Variants in CAPN10 observed in about 807,000 individuals in gnomAD.
CAPN10 encodes the protein calpain 10, also known as calpain-10.
In CAPN10, 71 loss-of-function variants were observed where a neutral mutation model predicts 78.4. The ratio of observed to expected loss-of-function variants is 0.91; its 90% CI spans 0.75 to 1.10. The LOEUF is 1.10. Among genes scored for constraint, CAPN10 ranks in the 50% least tolerant of loss-of-function variants. The probability of loss-of-function intolerance (pLI) is 0.00; values close to 1 mark genes in which losing one functional copy is unlikely to be tolerated. For missense variants in CAPN10, 849 were observed against 924.6 expected (o/e 0.92, Z 1.06); for synonymous variants, 437 against 407.2 (o/e 1.07, Z -0.88).
At chr2:240,591,766 T>C in intron 3 of CAPN10, 167 bp from the exon 4 acceptor site, 1 of 628,652 alleles carries the variant, frequency 1.6e-6, no homozygotes, top group South Asian at 2.0e-5. Context: ...CGTTTGAAGG[T>C]GAGGCTAAGC....
Position 240,589,373 on chromosome 2 carries a change from G to T in CAPN10, c.172G>T (p.Asp58Tyr). 6.2e-7 allele frequency: 1 copy of T among 1,614,172 alleles called. No homozygotes were observed. Among genetic ancestry groups the T allele is most frequent in the Non-Finnish European group, 8.5e-7 (1 of 1,180,030 alleles). ...TTGTGCCACACCCCGGCTGTTTCCA[G>T]ATGACCCACGGGAAGGGCAGGTGAA... is the stretch of plus-strand genomic sequence containing the variant. ...EICATPRLFP[D>Y]DPREGQVKQG... The change falls in exon 2 of 12, where the codon GAT becomes TAT. Residue 58 changes from aspartate to tyrosine, a missense_variant. Transcript: ENST00000391984.
chr2:240,594,917 G>C (rs2093126888), intron 6 of CAPN10, 107 bp from the exon 7 acceptor site: 2 of 1,277,292 alleles, frequency 1.6e-6, no homozygotes, highest in Non-Finnish European at 2.2e-6. Context: ...GGCTCTGTCT[G>C]TGGCCGTAGC....
chr2:240,594,114 C>G (rs1375074080), intron 5 of CAPN10, 67 bp downstream of exon 5: 2 of 1,465,944 alleles, frequency 1.4e-6, no homozygotes, highest in Admixed American at 2.1e-5. Context: ...GGCCTGTGTC[C>G]TGGTCACCTT....
rs1194748925 is a variant in CAPN10, at chr2:240,596,358, A to C, written c.1318A>C (p.Met440Leu). Residue 440 changes from methionine (M) to leucine (L), a missense_variant, in exon 8 of 12, where the codon ATG becomes CTG. Physicochemically the swap from Met to Leu is conservative, Grantham distance 15 (BLOSUM62 2). Coordinates refer to ENST00000391984, the MANE Select transcript of CAPN10 (RefSeq NM_023083.4). ...GGTCAATCTGCCTAGGGTCCTGTCC[A>C]TGCCCCCCGTGGCTGGCACCGCGTG... is the stretch of plus-strand genomic sequence containing the variant. ...RRVNLPRVLS[M>L]PPVAGTACHA... 1.2e-6 allele frequency: 2 copies of C among 1,612,310 alleles called. No individual in the cohort carries two copies. The highest frequency in any genetic ancestry group is 2.2e-5 in the East Asian group (1 of 44,864).
chr2:240,586,816 C>A lies in CAPN10; in HGVS notation c.-96C>A. On this transcript the variant is annotated 5_prime_UTR_variant, in exon 1 of 12. Transcript: ENST00000391984. ...AGGGCTGGGCCGGGCGGGGAACGGGCGGGGCGGGCCGGAGGCGGCGGCGGC... is the reference window on the plus strand; with the variant it reads ...AGGGCTGGGCCGGGCGGGGAACGGGAGGGGCGGGCCGGAGGCGGCGGCGGC... 1 of 1,201,838 alleles carries A rather than the reference C, an allele frequency of 8.3e-7. No homozygotes were observed. The highest frequency in any genetic ancestry group is 1.1e-6 in the Non-Finnish European group (1 of 941,060). 74.4% of individuals were successfully genotyped at this position (1,201,838 alleles called of 1,614,324 possible).
At chr2:240,592,779 T>C (rs144388047) in intron 4 of CAPN10, 204 of 233,328 alleles carry the variant, frequency 8.7e-4, no homozygotes, top group African/African-American at 4.5e-3. Flanking sequence ...ACACGCGCTG[T>C]CAAATGTTCG....
chr2:240,595,180 C>T lies in CAPN10; in HGVS notation c.1154C>T (p.Ser385Phe), dbSNP rs1318460703. 6.2e-7 allele frequency: 1 copy of T among 1,613,840 alleles called. No individual in the cohort carries two copies. The highest frequency in any genetic ancestry group is 1.7e-5 in the Admixed American group (1 of 60,026). ...SEVYIAVLQR[S>F]RLHAADWAGR... ...GTGTACATTGCCGTCCTGCAGAGAT[C>T]CAGGCTGCACGCGGCGGACTGGGCA... The change falls in exon 7 of 12, where the codon TCC becomes TTC. Residue 385 changes from serine (S) to phenylalanine (F), a missense_variant. Ser to Phe is a radical substitution (Grantham distance 155). Coordinates refer to ENST00000391984, the MANE Select transcript of CAPN10 (RefSeq NM_023083.4).
chr2:240,598,438 G>A, intron 11 of CAPN10, 41 bp downstream of exon 11: 1 of 1,608,684 alleles, frequency 6.2e-7, no homozygotes, highest in Non-Finnish European at 8.5e-7. Flanking sequence ...CCTGCCTGGG[G>A]CTGCCTGGTG....
At position 240,598,107 on chromosome 2, in the gene CAPN10, G is replaced by C; in HGVS notation, c.1943+20G>C. The stretch of plus-strand genomic sequence containing the variant: ...TGACAGGTGGGGCTCTGGGACTTGG[G>C]GGCGGCCAGCTGGAGGCTGGGGTGC... On this transcript the variant is annotated intron_variant, in intron 10 of 11. Transcript: ENST00000391984. 2 of 1,594,416 alleles carry C rather than the reference G, an allele frequency of 1.3e-6. No individual in the cohort carries two copies. Among genetic ancestry groups the C allele is most frequent in the Non-Finnish European group, 1.7e-6 (2 of 1,166,874 alleles).
intron 3 of CAPN10, 36 bp downstream of exon 3, chr2:240,591,047 GCAAGTGGGAGCTGCCA>G (rs1333119397): frequency 6.3e-7 from 1 of 1,589,676 alleles, no homozygotes; most frequent in Admixed American, 1.7e-5. Context: ...CTGGCCTGGG[GCAAGTGGGAGCTGCCA>G]CTACCATGGG....
At chr2:240,594,445 G>T (rs2093122842) in intron 5 of CAPN10, 98 bp from the exon 6 acceptor site, 6 of 1,273,046 alleles carry the variant, frequency 4.7e-6, no homozygotes, top group South Asian at 4.2e-5. Context: ...AGGAACTCAG[G>T]GCTCTCTGGG....
At position 240,598,854 on chromosome 2, in the gene CAPN10, GACGC is replaced by G; in HGVS notation, c.*176_*179del. Reference sequence around the variant, plus strand: ...TCCACGGGAAGCCTCCGTCAGGAGAGACGCAGCCCTGGGGGCCAGCTGGTGCTGC... The same window carrying G: ...TCCACGGGAAGCCTCCGTCAGGAGAGAGCCCTGGGGGCCAGCTGGTGCTGC... On this transcript the variant is annotated 3_prime_UTR_variant, in exon 12 of 12. Transcript: ENST00000391984. 1 of 640,662 alleles carries G rather than the reference GACGC, an allele frequency of 1.6e-6. No homozygotes were observed. The highest frequency in any genetic ancestry group is 2.8e-6 in the Non-Finnish European group (1 of 357,554). The allele number at this position is 640,662 out of a possible 1,614,324, so 39.7% of individuals were successfully genotyped here.
intron 4 of CAPN10, chr2:240,592,657 AG>A: frequency 2.8e-6 from 1 of 363,620 alleles, no homozygotes; most frequent in East Asian, 7.9e-5. Flanking sequence ...CAAAAAATGA[AG>A]GAAAAAAATC....
chr2:240,592,123 A>G lies in CAPN10; in HGVS notation c.661A>G (p.Ser221Gly). 1 of 1,576,526 alleles carries G rather than the reference A, an allele frequency of 6.3e-7. No individual in the cohort carries two copies. Among genetic ancestry groups the G allele is most frequent in the South Asian group, 1.2e-5 (1 of 86,302 alleles). The change falls in exon 4 of 12, where the codon AGC (serine) becomes GGC (glycine). Residue 221 changes from serine to glycine, a missense_variant. By Grantham distance (56) the Ser-to-Gly change is moderately conservative. Coordinates refer to ENST00000391984, the MANE Select transcript of CAPN10 (RefSeq NM_023083.4). ...LLHLKDQCLI[S>G]CCVLSPRAGA... ...CCACCTGAAGGACCAGTGTCTGATCAGCTGCTGCGTGCTCAGCCCCAGAGC... is the reference window on the plus strand; with the variant it reads ...CCACCTGAAGGACCAGTGTCTGATCGGCTGCTGCGTGCTCAGCCCCAGAGC...
chr2:240,597,094 C>T (rs2093141810), intron 9 of CAPN10, 152 bp downstream of exon 9: 3 of 961,584 alleles, frequency 3.1e-6, no homozygotes, highest in Admixed American at 2.3e-5. Context: ...GCACAGGGCC[C>T]TCTCCCATCT....
Position 240,596,780 on chromosome 2 carries a change from G to C in CAPN10, c.1581G>C (p.Gln527His). The change falls in exon 9 of 12, where the codon CAG becomes CAC. Residue 527 changes from glutamine to histidine, a missense_variant. By Grantham distance (24) the Gln-to-His change is conservative. Coordinates refer to ENST00000391984, the MANE Select transcript of CAPN10 (RefSeq NM_023083.4). ...VQLRGSWRVGQTAGGSRNFAS... is the reference protein window; with the variant it reads ...VQLRGSWRVGHTAGGSRNFAS... The stretch of plus-strand genomic sequence containing the variant: ...TACGGGGTTCTTGGAGAGTCGGCCA[G>C]ACGGCGGGGGGCAGCAGGAACTTTG... The C allele has an allele frequency of 1.2e-6, 2 of 1,612,702 alleles. No individual in the cohort carries two copies. The highest frequency in any genetic ancestry group is 2.2e-5 in the East Asian group (1 of 44,884).
rs1349635180 is a variant in CAPN10 at position 240,592,031 on chromosome 2, T to C, written c.569T>C (p.Val190Ala). 3 of 1,612,850 alleles carry C rather than the reference T, an allele frequency of 1.9e-6. No individual in the cohort carries two copies. The highest frequency in any genetic ancestry group is 2.5e-6 in the Non-Finnish European group (3 of 1,179,900). Residue 190 changes from valine (V) to alanine (A), a missense_variant, in exon 4 of 12, where the codon GTA becomes GCA. By Grantham distance (64) the Val-to-Ala change is moderately conservative. Transcript: ENST00000391984. ...GLAERWNLKG[V>A]AGSGGQQDRP... The stretch of plus-strand genomic sequence containing the variant: ...GCAGAAAGATGGAACCTGAAGGGCG[T>C]AGCAGGAAGCGGAGGCCAGCAGGAC...
In CAPN10 at chr2:240,594,240, C is replaced by A. The variant is rs2093121346; in HGVS notation, c.830+193C>A. 4.7e-6 allele frequency: 3 copies of A among 640,190 alleles called. No homozygotes were observed. In the Admixed American group the frequency reaches 9.5e-5, roughly 20 times the overall value. 39.7% of individuals were successfully genotyped at this position (640,190 alleles called of 1,614,324 possible). A position where few individuals can be genotyped will look rare whatever the true frequency, so the allele number is the denominator to read the frequency against. Reference sequence around the variant, plus strand: ...TTGTGAGGCCTGGGACCAAGGTGGCCATTGGGCCTGGGGTTTCAATAGGGC... The same window carrying A: ...TTGTGAGGCCTGGGACCAAGGTGGCAATTGGGCCTGGGGTTTCAATAGGGC... On this transcript the variant is annotated intron_variant, in intron 5 of 11. Transcript: ENST00000391984.
rs536596157 is a variant in CAPN10, at chr2:240,591,590, C to A, written c.471-343C>A. 3 of 359,864 alleles carry A rather than the reference C, an allele frequency of 8.3e-6. No individual in the cohort carries two copies. The South Asian group carries it at 1.4e-4, about 17-fold the overall frequency. The allele number at this position is 359,864 out of a possible 1,614,324, so 22.3% of individuals were successfully genotyped here. On this transcript the variant is annotated intron_variant, in intron 3 of 11. Transcript: ENST00000391984. ...CAGTGCCCAGTGAGCCCTTCCATCCCAAGGGCTGTTTTAGGAAAAGCAGGG... is the reference window on the plus strand; with the variant it reads ...CAGTGCCCAGTGAGCCCTTCCATCCAAAGGGCTGTTTTAGGAAAAGCAGGG...
Sources: allele counts gnomAD v4.1 joint callset, GRCh38; gene constraint gnomAD v4.1.1; transcripts MANE v1.5; gene names NCBI Gene and HGNC (gene_info 2026-07-23, HGNC 2026-07-21).